The following KCND3 variants were observed in gnomAD, a reference collection of about 807,000 sequenced individuals.
KCND3 encodes the protein potassium voltage-gated channel subfamily D member 3, also known as A-type voltage-gated potassium channel KCND3.
KCND3 carries 9 observed loss-of-function variants against 51.1 expected under a neutral mutation model. The observed-to-expected ratio is 0.18, with a 90% CI of 0.11 to 0.31. KCND3 has a LOEUF of 0.31. Ranked by LOEUF, KCND3 falls within the 10% of genes least tolerant of loss-of-function variation. The probability of loss-of-function intolerance (pLI) is 1.00; values close to 1 mark genes in which losing one functional copy is unlikely to be tolerated. For synonymous variants in KCND3, 349 were observed against 368.0 expected (o/e 0.95, Z 0.59); for missense variants, 526 against 903.8 (o/e 0.58, Z 5.36).
intron 2 of KCND3, among the ~76,000 whole-genome samples, chr1:111,800,321 G>T (rs1665245750): frequency 1.1e-5 from 1 of 93,386 alleles, no homozygotes; most frequent in Non-Finnish European, 2.1e-5. Context: ...GATGTGCTTT[G>T]TTAAACAGAT....
chr1:111,898,911 T>A (rs570408048), intron 2 of KCND3, among the ~76,000 whole-genome samples: 2 of 152,212 alleles, frequency 1.3e-5, no homozygotes, highest in East Asian at 3.9e-4. Flanking sequence ...CCTATTTAGG[T>A]ACCAAGCATT....
intron 2 of KCND3, among the ~76,000 whole-genome samples, chr1:111,916,271 C>T (rs72694603): frequency 0.25 from 37,763 of 151,844 alleles, 5,107 homozygotes; most frequent in Non-Finnish European, 0.31. Context: ...TAAAAAGATA[C>T]CTGGAAAATC....
intron 2 of KCND3, among the ~76,000 whole-genome samples, chr1:111,799,891 C>T (rs1665217513): frequency 6.6e-6 from 1 of 152,230 alleles, no homozygotes; most frequent in African/African-American, 2.4e-5. Flanking sequence ...CACTACCGGT[C>T]TCCTGTCAAT....
chr1:111,952,068 G>A (rs1673086934), intron 2 of KCND3, among the ~76,000 whole-genome samples: 1 of 152,208 alleles, frequency 6.6e-6, no homozygotes, highest in African/African-American at 2.4e-5. Flanking sequence ...GGGCACATCT[G>A]CATCCAAGCC....
At chr1:111,949,424 C>T (rs1557739520) in intron 2 of KCND3, among the ~76,000 whole-genome samples, 1 of 152,058 alleles carries the variant, frequency 6.6e-6, no homozygotes, top group African/African-American at 2.4e-5. Context: ...AGAAGACAGC[C>T]AGAGAGAACA....
chr1:111,900,813 C>T (rs149771188), intron 2 of KCND3, among the ~76,000 whole-genome samples: 3,881 of 152,036 alleles, frequency 0.026, 71 homozygotes, highest in Middle Eastern at 0.054. Flanking sequence ...AAAAATTAGC[C>T]GGGTGTGGTG....
chr1:111,938,094 C>G (rs959612430), intron 2 of KCND3, among the ~76,000 whole-genome samples: 1 of 152,180 alleles, frequency 6.6e-6, no homozygotes, highest in Non-Finnish European at 1.5e-5. Context: ...AACAGGTATC[C>G]TCACTGACTT....
chr1:111,808,169 C>T (rs57901872), intron 2 of KCND3, among the ~76,000 whole-genome samples: 12,444 of 152,200 alleles, frequency 0.082, 892 homozygotes, highest in African/African-American at 0.18. Context: ...TGTCTAACGC[C>T]TGGGATAGAG....
At chr1:111,957,796 C>T (rs1019082723) in intron 2 of KCND3, among the ~76,000 whole-genome samples, 1 of 152,186 alleles carries the variant, frequency 6.6e-6, no homozygotes, top group African/African-American at 2.4e-5. Context: ...CCCTCATTTA[C>T]CTATTGTCTA....
chr1:111,845,534 C>T (rs957589260), intron 2 of KCND3, among the ~76,000 whole-genome samples: 1 of 152,106 alleles, frequency 6.6e-6, no homozygotes, highest in Non-Finnish European at 1.5e-5. Flanking sequence ...CACCCTCCCG[C>T]CCCCAATACC....
chr1:111,821,733 C>T (rs549973494), intron 2 of KCND3, among the ~76,000 whole-genome samples: 2 of 152,312 alleles, frequency 1.3e-5, no homozygotes, highest in African/African-American at 4.8e-5. Flanking sequence ...GTGTCTCACC[C>T]TGGGCTCTTG....
chr1:111,914,633 G>GA (rs554145106), intron 2 of KCND3, among the ~76,000 whole-genome samples: 50 of 152,084 alleles, frequency 3.3e-4, no homozygotes, highest in African/African-American at 1.1e-3. Flanking sequence ...TACTGAAAAG[G>GA]AAAAAAACCT....
intron 2 of KCND3, among the ~76,000 whole-genome samples, chr1:111,848,381 C>T (rs1667660019): frequency 6.6e-6 from 1 of 152,174 alleles, no homozygotes; most frequent in Admixed American, 6.5e-5. Context: ...CGAGAAAGTC[C>T]AATGGAAATG....
At chr1:111,932,566 T>C (rs1672029293) in intron 2 of KCND3, among the ~76,000 whole-genome samples, 1 of 152,228 alleles carries the variant, frequency 6.6e-6, no homozygotes, top group Non-Finnish European at 1.5e-5. Context: ...GCCACCATTC[T>C]ACTTTCTGAC....
At chr1:111,776,782 A>G (rs1020324853) in intron 7 of KCND3, among the ~76,000 whole-genome samples, 4 of 151,674 alleles carry the variant, frequency 2.6e-5, no homozygotes, top group Non-Finnish European at 5.9e-5. Flanking sequence ...ATATATAATT[A>G]TTTTTAAAGT....
intron 2 of KCND3, among the ~76,000 whole-genome samples, chr1:111,977,510 G>A (rs998051091): frequency 6.6e-6 from 1 of 152,192 alleles, no homozygotes; most frequent in African/African-American, 2.4e-5. Flanking sequence ...TCAGAGCATG[G>A]GGTGACAGAT....
At chr1:111,823,022 T>C (rs1408682212) in intron 2 of KCND3, among the ~76,000 whole-genome samples, 1 of 152,174 alleles carries the variant, frequency 6.6e-6, no homozygotes, top group Non-Finnish European at 1.5e-5. Context: ...AGGCACAAAC[T>C]GAACCCAGAC....
At chr1:111,985,683 C>T (rs1261675946) in intron 1 of KCND3, among the ~76,000 whole-genome samples, 1 of 152,200 alleles carries the variant, frequency 6.6e-6, no homozygotes, top group Non-Finnish European at 1.5e-5. Flanking sequence ...TCAGAAGAAT[C>T]CAATTCAAGT....
intron 2 of KCND3, among the ~76,000 whole-genome samples, chr1:111,796,451 A>G (rs1665062248): frequency 6.6e-6 from 1 of 152,222 alleles, no homozygotes; most frequent in African/African-American, 2.4e-5. Flanking sequence ...ACAGCCATAG[A>G]AAAGAATAAG....
Sources: allele counts gnomAD v4.1 joint callset (sites outside exome capture counted in the v4.1 genomes callset), GRCh38; gene constraint gnomAD v4.1.1; transcripts MANE v1.5; gene names NCBI Gene and HGNC (gene_info 2026-07-23, HGNC 2026-07-21).